Variants in PLCXD3 observed in about 807,000 individuals in gnomAD.
PLCXD3 encodes the protein phosphatidylinositol specific phospholipase C X domain containing 3.
PLCXD3 carries 19 observed loss-of-function variants against 25.5 expected under a neutral mutation model. That is an observed-to-expected ratio of 0.75 (90% CI 0.52 to 1.09). PLCXD3 has a LOEUF of 1.09. PLCXD3 is among the 50% of genes least tolerant of loss of function. The pLI, the probability that PLCXD3 is intolerant of heterozygous loss-of-function variation, is 0.00. For missense variants in PLCXD3, 411 were observed against 388.1 expected (o/e 1.06, Z -0.50); for synonymous variants, 174 against 137.6 (o/e 1.26, Z -1.85).
chr5:41,355,224 A>C (rs1744584736), intron 2 of PLCXD3, among the ~76,000 whole-genome samples: 1 of 152,186 alleles, frequency 6.6e-6, no homozygotes, highest in Non-Finnish European at 1.5e-5. Flanking sequence ...CAGACAGAAA[A>C]TACCCGTGGA....
At chr5:41,407,224 G>A (rs1294175585) in intron 1 of PLCXD3, among the ~76,000 whole-genome samples, 1 of 152,094 alleles carries the variant, frequency 6.6e-6, no homozygotes, top group Non-Finnish European at 1.5e-5. Context: ...GATAGGCAGT[G>A]GTTCATTCCT....
chr5:41,333,226 A>C (rs1057143241), intron 2 of PLCXD3, among the ~76,000 whole-genome samples: 7 of 152,118 alleles, frequency 4.6e-5, no homozygotes, highest in African/African-American at 1.7e-4. Context: ...CAAAGTTTAA[A>C]ATAATGATCA....
chr5:41,394,855 T>C (rs1466053346), intron 1 of PLCXD3, among the ~76,000 whole-genome samples: 1 of 152,108 alleles, frequency 6.6e-6, no homozygotes, highest in African/African-American at 2.4e-5. Context: ...AAGAAAGATA[T>C]AGGCCCCAAT....
rs146351456 is a variant in PLCXD3 at position 41,479,685 on chromosome 5, T to C, written c.103+30739A>G. Among the ~76,000 whole-genome samples the C allele has an allele frequency of 5.3e-3, 812 of 152,108 alleles. 4 individuals carry two copies. Among genetic ancestry groups the C allele is most frequent in the African/African-American group, 0.018 (734 of 41,488 alleles). On this transcript the variant is annotated intron_variant, in intron 1 of 2. Coordinates refer to ENST00000377801, the MANE Select transcript of PLCXD3 (RefSeq NM_001005473.3). ...TTGCATTATAAAATTGATTAAATTG[T>C]ATTGGTCCTTAGTACTCTGCTGAGA...
intron 1 of PLCXD3, among the ~76,000 whole-genome samples, chr5:41,485,580 C>A (rs975626407): frequency 6.6e-6 from 1 of 150,484 alleles, no homozygotes; most frequent in African/African-American, 2.5e-5. Context: ...TCAGTCCCAG[C>A]CCCCTCTCTA....
intron 1 of PLCXD3, among the ~76,000 whole-genome samples, chr5:41,430,125 T>C (rs1362407697): frequency 6.6e-6 from 1 of 152,230 alleles, no homozygotes; most frequent in Non-Finnish European, 1.5e-5. Context: ...TGTGCTTTAG[T>C]TGCGTCAACT....
chr5:41,441,927 T>C (rs1351716217), intron 1 of PLCXD3, among the ~76,000 whole-genome samples: 1 of 152,234 alleles, frequency 6.6e-6, no homozygotes, highest in African/African-American at 2.4e-5. Flanking sequence ...GTTTAAGTTT[T>C]GTAGAGGTCT....
intron 1 of PLCXD3, among the ~76,000 whole-genome samples, chr5:41,507,977 G>T (rs1464913142): frequency 6.6e-6 from 1 of 152,164 alleles, no homozygotes; most frequent in African/African-American, 2.4e-5. Context: ...GCAAAAAGGT[G>T]CCAAACCTGT....
chr5:41,378,815 T>G (rs1745370886), intron 2 of PLCXD3, among the ~76,000 whole-genome samples: 1 of 152,070 alleles, frequency 6.6e-6, no homozygotes, highest in African/African-American at 2.4e-5. Context: ...CAAATCCTAC[T>G]TTAGTAGTAG....
chr5:41,495,644 G>GA (rs1303309917), intron 1 of PLCXD3, among the ~76,000 whole-genome samples: 3 of 152,120 alleles, frequency 2.0e-5, no homozygotes, highest in Admixed American at 6.6e-5. Context: ...AAAAGCTCCT[G>GA]AAAAAATCTA....
At position 41,468,378 on chromosome 5, in the gene PLCXD3, C is replaced by G. The variant is rs1288134377; in HGVS notation, c.103+42046G>C. 4.6e-5 allele frequency among the ~76,000 whole-genome samples: 7 copies of G among 152,110 alleles called. No individual in the cohort carries two copies. In the East Asian group the frequency reaches 1.4e-3, roughly 29 times the overall value. On this transcript the variant is annotated intron_variant, in intron 1 of 2. Transcript: ENST00000377801. Reference sequence around the variant, plus strand: ...ATATGGGTTTTTTTGTGGTTCCATGCAAATTTAAGGACATTTCTCCATTTC... The same window carrying G: ...ATATGGGTTTTTTTGTGGTTCCATGGAAATTTAAGGACATTTCTCCATTTC...
intron 1 of PLCXD3, among the ~76,000 whole-genome samples, chr5:41,402,067 T>A (rs536973686): frequency 6.6e-6 from 1 of 152,092 alleles, no homozygotes; most frequent in South Asian, 2.1e-4. Context: ...TTGTTTTTTC[T>A]GCTATGTATT....
intron 1 of PLCXD3, among the ~76,000 whole-genome samples, chr5:41,390,100 A>G (rs988277642): frequency 1.1e-4 from 17 of 152,210 alleles, no homozygotes; most frequent in African/African-American, 3.9e-4. Flanking sequence ...AAAGAAATAT[A>G]CAATATGTAC....
chr5:41,439,765 A>G (rs1747337033), intron 1 of PLCXD3, among the ~76,000 whole-genome samples: 1 of 152,212 alleles, frequency 6.6e-6, no homozygotes, highest in Non-Finnish European at 1.5e-5. Flanking sequence ...ATAGTCCCCC[A>G]TATATTAAAA....
At chr5:41,325,060 A>C (rs1186343927) in intron 2 of PLCXD3, among the ~76,000 whole-genome samples, 1 of 152,228 alleles carries the variant, frequency 6.6e-6, no homozygotes, top group Non-Finnish European at 1.5e-5. Context: ...GCCTGAATTT[A>C]GAACAACTAA....
intron 1 of PLCXD3, among the ~76,000 whole-genome samples, chr5:41,505,500 A>C (rs1202111077): frequency 1.3e-5 from 2 of 152,196 alleles, no homozygotes; most frequent in Admixed American, 1.3e-4. Context: ...CGATAACAAT[A>C]TTGCAAAGTT....
chr5:41,480,802 T>A (rs1373438217), intron 1 of PLCXD3, among the ~76,000 whole-genome samples: 6 of 151,874 alleles, frequency 4.0e-5, no homozygotes, highest in Non-Finnish European at 5.9e-5. Context: ...GCACCTGTAG[T>A]CCCAGCTACT....
chr5:41,335,311 A>C (rs929113480), intron 2 of PLCXD3, among the ~76,000 whole-genome samples: 7 of 152,186 alleles, frequency 4.6e-5, no homozygotes, highest in African/African-American at 1.7e-4. Context: ...AGGACTATCT[A>C]GGTTTATCCT....
intron 1 of PLCXD3, among the ~76,000 whole-genome samples, chr5:41,411,479 G>C (rs1746518302): frequency 6.6e-6 from 1 of 152,074 alleles, no homozygotes; most frequent in South Asian, 2.1e-4. Context: ...TTTGAGATCT[G>C]GATATGTAGA....
Sources: gnomAD v4.1 joint callset for allele counts (sites outside exome capture counted in the v4.1 genomes callset) on GRCh38, gnomAD v4.1.1 for gene constraint, MANE v1.5 for transcripts, NCBI Gene and HGNC (gene_info 2026-07-23, HGNC 2026-07-21) for gene names.